AGAP1: variants seen among roughly 807,000 people sequenced by gnomAD.
The protein encoded by AGAP1 is arf-GAP with GTPase, ANK repeat and PH domain-containing protein 1.
In AGAP1, 29 loss-of-function variants were observed where a neutral mutation model predicts 105.3. The ratio of observed to expected loss-of-function variants is 0.28; its 90% CI spans 0.21 to 0.38. AGAP1 has a LOEUF of 0.38. AGAP1 is among the 10% of genes least tolerant of loss of function. The probability of loss-of-function intolerance (pLI) is 1.00; values close to 1 mark genes in which losing one functional copy is unlikely to be tolerated. For synonymous variants in AGAP1, 509 were observed against 485.9 expected (o/e 1.05, Z -0.63); for missense variants, 998 against 1,165.1 (o/e 0.86, Z 2.09).
rs1300022858 is a variant in AGAP1, at chr2:235,659,959, G to T, written c.164-49220G>T. On this transcript the variant is annotated intron_variant, in intron 1 of 17. Transcript: ENST00000304032. The surrounding 1 kb of genome is among the most constrained non-coding windows in gnomAD (Gnocchi z 5.0). ...TGGGCAGGGAAGGAACAGGCCCATAGGCACCCCTCCATGGGCCCCTCAAGG... is the reference window on the plus strand; with the variant it reads ...TGGGCAGGGAAGGAACAGGCCCATATGCACCCCTCCATGGGCCCCTCAAGG... 6.6e-6 allele frequency among the ~76,000 whole-genome samples: 1 copy of T among 152,170 alleles called. No homozygotes were observed. The highest frequency in any genetic ancestry group is 1.5e-5 in the Non-Finnish European group (1 of 68,028).
chr2:235,581,770 A>T (rs1228473399), intron 1 of AGAP1, among the ~76,000 whole-genome samples: 1 of 152,082 alleles, frequency 6.6e-6, no homozygotes, highest in Non-Finnish European at 1.5e-5. Flanking sequence ...GTGCTACTGC[A>T]CTCCAGCCTG....
chr2:235,613,079 G>A (rs1226878496), intron 1 of AGAP1, among the ~76,000 whole-genome samples: 1 of 150,550 alleles, frequency 6.6e-6, no homozygotes, highest in Non-Finnish European at 1.5e-5. Flanking sequence ...GCTGGATAGA[G>A]TGCAGTGGTA....
chr2:235,895,781 C>A (rs1481437492), intron 10 of AGAP1, among the ~76,000 whole-genome samples: 1 of 152,072 alleles, frequency 6.6e-6, no homozygotes, highest in East Asian at 1.9e-4. Flanking sequence ...TATGCTTAAC[C>A]TTTCCTTAAA....
chr2:235,766,382 A>G (rs555629032), intron 6 of AGAP1, among the ~76,000 whole-genome samples: 1 of 152,314 alleles, frequency 6.6e-6, no homozygotes, highest in East Asian at 1.9e-4. Flanking sequence ...GTAATTTAGT[A>G]AACCGCCACT....
In AGAP1 at chr2:235,842,167, G is replaced by C. The variant is rs1248103626; in HGVS notation, c.1050+34836G>C. 1.3e-5 allele frequency among the ~76,000 whole-genome samples: 2 copies of C among 152,202 alleles called. No individual in the cohort carries two copies. Among genetic ancestry groups the C allele is most frequent in the Non-Finnish European group, 1.5e-5 (1 of 68,044 alleles). On this transcript the variant is annotated intron_variant, in intron 9 of 17. Transcript: ENST00000304032. This position sits in a 1 kb window ranked among gnomAD's most constrained non-coding sequence, Gnocchi z 5.3. Reference sequence around the variant, plus strand: ...CTCCGCTCCTGGTTTCTTAGTTCTGGAGCACAGACTCCGTGCTCTGGAGCA... The same window carrying C: ...CTCCGCTCCTGGTTTCTTAGTTCTGCAGCACAGACTCCGTGCTCTGGAGCA...
At chr2:235,514,533 G>C (rs1942299671) in intron 1 of AGAP1, among the ~76,000 whole-genome samples, 1 of 152,234 alleles carries the variant, frequency 6.6e-6, no homozygotes, top group African/African-American at 2.4e-5. Context: ...CACTTCCTCT[G>C]TCTGGGGCCC....
Position 235,601,742 on chromosome 2 carries a change from A to G in AGAP1, c.163+106893A>G, listed in dbSNP as rs1945738363. Among the ~76,000 whole-genome samples the G allele has an allele frequency of 6.6e-6, 1 of 152,168 alleles. No individual in the cohort carries two copies. Among genetic ancestry groups the G allele is most frequent in the Non-Finnish European group, 1.5e-5 (1 of 68,032 alleles). Reference sequence around the variant, plus strand: ...TGTGGTGGCTCACACTTGTAATCTCAGTGCTGAGGCGGGAGGATCACTGGA... The same window carrying G: ...TGTGGTGGCTCACACTTGTAATCTCGGTGCTGAGGCGGGAGGATCACTGGA... On this transcript the variant is annotated intron_variant, in intron 1 of 17. Transcript: ENST00000304032. The surrounding 1 kb of genome is among the most constrained non-coding windows in gnomAD (Gnocchi z 4.4).
intron 1 of AGAP1, among the ~76,000 whole-genome samples, chr2:235,523,146 A>G (rs944763864): frequency 2.6e-5 from 4 of 151,726 alleles, no homozygotes; most frequent in African/African-American, 4.9e-5. Context: ...AGAGAGAGAA[A>G]GGCTGGTCTC....
rs1943772596 is a variant in AGAP1, at chr2:235,550,578, T to C, written c.163+55729T>C. Among the ~76,000 whole-genome samples the C allele has an allele frequency of 6.6e-6, 1 of 151,970 alleles. No individual in the cohort carries two copies. Among genetic ancestry groups the C allele is most frequent in the Admixed American group, 6.6e-5 (1 of 15,246 alleles). ...CAGAGTTGATGAGGGTCTGCAGGCG[T>C]CGGTCTGGGAGCCACAGACAGGTGT... On this transcript the variant is annotated intron_variant, in intron 1 of 17. Transcript: ENST00000304032. This position sits in a 1 kb window ranked among gnomAD's most constrained non-coding sequence, Gnocchi z 4.6.
In AGAP1 at chr2:236,090,631, T is replaced by C. The variant is rs2059034048; in HGVS notation, c.2115-29561T>C. 6.6e-6 allele frequency among the ~76,000 whole-genome samples: 1 copy of C among 152,200 alleles called. No individual in the cohort carries two copies. The highest frequency in any genetic ancestry group is 1.5e-5 in the Non-Finnish European group (1 of 68,038). On this transcript the variant is annotated intron_variant, in intron 16 of 17. Coordinates refer to ENST00000304032, the MANE Select transcript of AGAP1 (RefSeq NM_001037131.3). The surrounding 1 kb of genome is among the most constrained non-coding windows in gnomAD (Gnocchi z 4.3). ...GTGTTATTTTCATCACTTTTGGATA[T>C]TGAAAGCTAGCAGGGAGGGGGTCTT...
chr2:236,046,010 G>A lies in AGAP1; in HGVS notation c.1892-3049G>A, dbSNP rs1320633276. 2.1e-6 allele frequency: 1 copy of A among 471,674 alleles called. No individual in the cohort carries two copies. Among genetic ancestry groups the A allele is most frequent in the Admixed American group, 2.3e-5 (1 of 42,596 alleles). 29.2% of individuals were successfully genotyped at this position (471,674 alleles called of 1,614,324 possible). On this transcript the variant is annotated intron_variant, in intron 15 of 17. Coordinates refer to ENST00000304032, the MANE Select transcript of AGAP1 (RefSeq NM_001037131.3). This position sits in a 1 kb window ranked among gnomAD's most constrained non-coding sequence, Gnocchi z 5.2. ...TCGTCCTTCAGATCTGGACCTGACA[G>A]CCTGGGAGCTGCTGGGGGGAGGTAG...
In AGAP1 at chr2:235,927,650, ATACT is replaced by A. The variant is rs1053038691; in HGVS notation, c.1325-3109_1325-3106del. Among the ~76,000 whole-genome samples, 2 of 152,148 alleles carry A rather than the reference ATACT, an allele frequency of 1.3e-5. No individual in the cohort carries two copies. The highest frequency in any genetic ancestry group is 2.9e-5 in the Non-Finnish European group (2 of 68,036). ...ACTTGGCTCTCCTTACTGTGTGTTG[ATACT>A]TACTTCTGGAGCTTTATTGCAAGTA... On this transcript the variant is annotated intron_variant, in intron 11 of 17. Coordinates refer to ENST00000304032, the MANE Select transcript of AGAP1 (RefSeq NM_001037131.3). This position sits in a 1 kb window ranked among gnomAD's most constrained non-coding sequence, Gnocchi z 4.4.
In AGAP1 at chr2:235,883,501, CTG is replaced by C. The variant is rs2050130427; in HGVS notation, c.1155+55_1155+56del. 1 of 1,480,420 alleles carries C rather than the reference CTG, an allele frequency of 6.8e-7. No homozygotes were observed. The highest frequency in any genetic ancestry group is 1.4e-5 in the African/African-American group (1 of 71,880). 91.7% of individuals were successfully genotyped at this position (1,480,420 alleles called of 1,614,324 possible). A position where few individuals can be genotyped will look rare whatever the true frequency, so the allele number is the denominator to read the frequency against. On this transcript the variant is annotated intron_variant, in intron 10 of 17. Coordinates refer to ENST00000304032, the MANE Select transcript of AGAP1 (RefSeq NM_001037131.3). The surrounding 1 kb of genome is among the most constrained non-coding windows in gnomAD (Gnocchi z 4.5). ...AACAGCTGCAGACCTCAACTAAACA[CTG>C]TGGGGAAGGGGAACCTACCAGCAGC...
At position 235,752,902 on chromosome 2, in the gene AGAP1, G is replaced by A. The variant is rs2149725088; in HGVS notation, c.673+2414G>A. Reference sequence around the variant, plus strand: ...GACTTTTACTTGTCCTACTTACGGAGGATGGGAGTCCAGGGCCAGGTGCTG... The same window carrying A: ...GACTTTTACTTGTCCTACTTACGGAAGATGGGAGTCCAGGGCCAGGTGCTG... On this transcript the variant is annotated intron_variant, in intron 6 of 17. Coordinates refer to ENST00000304032, the MANE Select transcript of AGAP1 (RefSeq NM_001037131.3). The surrounding 1 kb of genome is among the most constrained non-coding windows in gnomAD (Gnocchi z 4.3). Among the ~76,000 whole-genome samples the A allele has an allele frequency of 6.6e-6, 1 of 152,316 alleles. No individual in the cohort carries two copies. Among genetic ancestry groups the A allele is most frequent in the African/African-American group, 2.4e-5 (1 of 41,570 alleles).
chr2:235,686,657 ATATATATATTT>A (rs1559351176), intron 1 of AGAP1, among the ~76,000 whole-genome samples: 12 of 54,244 alleles, frequency 2.2e-4, no homozygotes, highest in African/African-American at 1.6e-3. Flanking sequence ...ATATATATAT[ATATATATATTT>A]TTTTTTTTTT....
At chr2:236,065,796 G>A (rs2058330389) in intron 16 of AGAP1, among the ~76,000 whole-genome samples, 1 of 152,300 alleles carries the variant, frequency 6.6e-6, no homozygotes, top group East Asian at 1.9e-4. Flanking sequence ...GAAGCCTTAG[G>A]ACCCACCATC....
At position 235,655,500 on chromosome 2, in the gene AGAP1, C is replaced by A. The variant is rs1459570488; in HGVS notation, c.164-53679C>A. On this transcript the variant is annotated intron_variant, in intron 1 of 17. Coordinates refer to ENST00000304032, the MANE Select transcript of AGAP1 (RefSeq NM_001037131.3). This position sits in a 1 kb window ranked among gnomAD's most constrained non-coding sequence, Gnocchi z 4.3. Reference sequence around the variant, plus strand: ...TTGCCTCATGGGCTCTCTAGTCTTACTTTTGATCCCTTTTCCTGTATTTCA... The same window carrying A: ...TTGCCTCATGGGCTCTCTAGTCTTAATTTTGATCCCTTTTCCTGTATTTCA... Among the ~76,000 whole-genome samples, 1 of 152,156 alleles carries A rather than the reference C, an allele frequency of 6.6e-6. No individual in the cohort carries two copies. Among genetic ancestry groups the A allele is most frequent in the Non-Finnish European group, 1.5e-5 (1 of 68,028 alleles).
intron 1 of AGAP1, among the ~76,000 whole-genome samples, chr2:235,649,139 G>T (rs1947495343): frequency 6.6e-6 from 1 of 152,146 alleles, no homozygotes. Context: ...TCTCTGGGAC[G>T]GGCAGTGGGC....
Position 235,574,281 on chromosome 2 carries a change from C to T in AGAP1, c.163+79432C>T, listed in dbSNP as rs984188693. ...ATCCACCCCCACTCCTGCCATCAGG[C>T]ATTAAAATCTTCCGAACAGAAAAGC... is the stretch of plus-strand genomic sequence containing the variant. On this transcript the variant is annotated intron_variant, in intron 1 of 17. Coordinates refer to ENST00000304032, the MANE Select transcript of AGAP1 (RefSeq NM_001037131.3). This position sits in a 1 kb window ranked among gnomAD's most constrained non-coding sequence, Gnocchi z 5.0. 5.3e-5 allele frequency among the ~76,000 whole-genome samples: 8 copies of T among 152,364 alleles called. No individual in the cohort carries two copies. The highest frequency in any genetic ancestry group is 1.9e-4 in the African/African-American group (8 of 41,594).
Sources: gnomAD v4.1 joint callset for allele counts (sites outside exome capture counted in the v4.1 genomes callset) on GRCh38, gnomAD v4.1.1 for gene constraint, Gnocchi (gnomAD v3.1) non-coding constraint, MANE v1.5 for transcripts, NCBI Gene and HGNC (gene_info 2026-07-23, HGNC 2026-07-21) for gene names.